Variants in MAST4 observed in about 807,000 individuals in gnomAD.
MAST4 encodes microtubule associated serine/threonine kinase family member 4.
MAST4 carries 89 observed loss-of-function variants against 162.7 expected under a neutral mutation model. The observed-to-expected ratio is 0.55, with a 90% CI of 0.46 to 0.65. The LOEUF (loss-of-function observed/expected upper bound fraction) is 0.65, where lower values mean the gene tolerates loss of function less well. Among genes scored for constraint, MAST4 ranks in the 30% least tolerant of loss-of-function variants. The pLI is 0.00. For synonymous variants in MAST4, 1,479 were observed against 1,361.1 expected, an observed-to-expected ratio of 1.09 and a Z score of -1.91; for missense variants, 3,153 against 3,374.0, an observed-to-expected ratio of 0.93 and a Z score of 1.62.
chr5:66,893,382 T>TTGTG (rs397829231), intron 3 of MAST4, among the ~76,000 whole-genome samples: 134 of 150,150 alleles, frequency 8.9e-4, no homozygotes, highest in Middle Eastern at 3.4e-3. Flanking sequence ...ATTTTTTTTT[T>TTGTG]TGTGTGTGTG....
At chr5:66,633,332 G>A (rs1744905369) in intron 1 of MAST4, among the ~76,000 whole-genome samples, 1 of 152,174 alleles carries the variant, frequency 6.6e-6, no homozygotes, top group Non-Finnish European at 1.5e-5. Context: ...TGTATGAGCT[G>A]TAAAACATTT....
rs569398840 is a variant in MAST4 at position 66,954,222 on chromosome 5, A to G, written c.674+54240A>G. Among the ~76,000 whole-genome samples the G allele has an allele frequency of 1.4e-3, 207 of 152,312 alleles. 2 individuals carry two copies. Among genetic ancestry groups the G allele is most frequent in the African/African-American group, 4.8e-3 (198 of 41,576 alleles). On this transcript the variant is annotated intron_variant, in intron 4 of 28. Transcript: ENST00000403625. ...AGGTTCCTCTTCTGCACACACATGT[A>G]TACAGCTAGTCCATGATGTATGCCT...
chr5:67,166,968 C>G lies in MAST4; in HGVS notation c.7789C>G (p.Leu2597Val), dbSNP rs1010993629. 4.3e-6 allele frequency: 7 copies of G among 1,612,668 alleles called. No homozygotes were observed. Among genetic ancestry groups the G allele is most frequent in the Non-Finnish European group, 5.9e-6 (7 of 1,179,686 alleles). Reference protein sequence around the residue: ...PAPNTDRPISLSNEKDFVVRQ... With the variant: ...PAPNTDRPISVSNEKDFVVRQ... ...CCCAAACACTGACCGCCCCATCTCT[C>G]TTTCTAATGAGAAGGACTTTGTGGT... Residue 2597 changes from leucine (L) to valine (V), a missense_variant, in exon 29 of 29, where the codon CTT (leucine) becomes GTT (valine). Leu to Val is a conservative substitution (Grantham distance 32). Transcript: ENST00000403625.
intron 4 of MAST4, among the ~76,000 whole-genome samples, chr5:66,990,588 A>G (rs1048743652): frequency 1.3e-5 from 2 of 152,190 alleles, no homozygotes; most frequent in Non-Finnish European, 2.9e-5. Context: ...GTAGTGAGCT[A>G]CGATCATGCC....
Position 67,130,200 on chromosome 5 carries a change from T to C in MAST4, c.1746-10T>C. 1 of 1,607,318 alleles carries C rather than the reference T, an allele frequency of 6.2e-7. No homozygotes were observed. The highest frequency in any genetic ancestry group is 1.1e-5 in the South Asian group (1 of 90,282). On this transcript the variant is annotated splice_polypyrimidine_tract_variant and intron_variant, in intron 14 of 28. Coordinates refer to ENST00000403625, the MANE Select transcript of MAST4 (RefSeq NM_001164664.2). ...CTCCTGTCAACCCCAATACTTCTGC[T>C]CCTTTTCAGGGCAGTCTACTTTGTT... is the stretch of plus-strand genomic sequence containing the variant.
chr5:66,924,209 A>T (rs1764725890), intron 4 of MAST4, among the ~76,000 whole-genome samples: 1 of 152,120 alleles, frequency 6.6e-6, no homozygotes, highest in Non-Finnish European at 1.5e-5. Context: ...GAGTTTGTAC[A>T]TTTTGACCTT....
chr5:67,055,265 A>G (rs1341006572), intron 5 of MAST4, among the ~76,000 whole-genome samples: 1 of 152,168 alleles, frequency 6.6e-6, no homozygotes, highest in Non-Finnish European at 1.5e-5. Flanking sequence ...AGTGGGAGGA[A>G]GTTTGACTTT....
At chr5:67,014,117 G>A (rs1312822723) in intron 4 of MAST4, among the ~76,000 whole-genome samples, 1 of 151,800 alleles carries the variant, frequency 6.6e-6, no homozygotes, top group African/African-American at 2.4e-5. Context: ...TCCATGTAAG[G>A]ACTGATTTTA....
At chr5:66,739,643 A>G (rs893037326) in intron 1 of MAST4, among the ~76,000 whole-genome samples, 4 of 152,292 alleles carry the variant, frequency 2.6e-5, no homozygotes, top group South Asian at 2.1e-4. Flanking sequence ...TGTGACACGT[A>G]TACCGGATGT....
Position 67,134,678 on chromosome 5 carries a change from A to AGTCATC in MAST4, c.2383_2388dup (p.Val795_Ile796dup). The stretch of plus-strand genomic sequence containing the variant: ...ATACTCCAGAGGAGCTATTTGGACA[A>AGTCATC]GTCATCAGTGGTAAATATCATCAGG... On this transcript the variant is annotated inframe_insertion, in exon 18 of 29. Transcript: ENST00000403625. 1 of 1,612,542 alleles carries AGTCATC rather than the reference A, an allele frequency of 6.2e-7. No homozygotes were observed. Among genetic ancestry groups the AGTCATC allele is most frequent in the South Asian group, 1.1e-5 (1 of 90,886 alleles).
intron 4 of MAST4, among the ~76,000 whole-genome samples, chr5:67,008,963 A>G (rs532307797): frequency 2.0e-5 from 3 of 152,324 alleles, no homozygotes; most frequent in East Asian, 3.9e-4. Flanking sequence ...TATGAGAACT[A>G]TAGAGAATCC....
In MAST4 at chr5:66,681,822, A is replaced by T. The variant is rs144780782; in HGVS notation, c.364-77887A>T. The stretch of plus-strand genomic sequence containing the variant: ...CCAAGCTGCCTCTTCATTAAACAAC[A>T]AACATTTTTAATTGTCATTGTTTTT... On this transcript the variant is annotated intron_variant, in intron 1 of 28. Coordinates refer to ENST00000403625, the MANE Select transcript of MAST4 (RefSeq NM_001164664.2). Among the ~76,000 whole-genome samples, 1,033 of 152,294 alleles carry T rather than the reference A, an allele frequency of 6.8e-3. 2 individuals carry two copies. The highest frequency in any genetic ancestry group is 0.03 in the South Asian group (143 of 4,826).
intron 4 of MAST4, among the ~76,000 whole-genome samples, chr5:66,916,082 T>C (rs1262175692): frequency 1.3e-5 from 2 of 152,226 alleles, no homozygotes; most frequent in Non-Finnish European, 2.9e-5. Flanking sequence ...TCATTAGTAA[T>C]TCTTATGTTA....
chr5:66,667,025 G>A (rs1428660826), intron 1 of MAST4, among the ~76,000 whole-genome samples: 1 of 152,184 alleles, frequency 6.6e-6, no homozygotes, highest in African/African-American at 2.4e-5. Context: ...GGCGTAGCCA[G>A]ATGCAAAGGG....
chr5:66,818,072 A>G (rs1402286467), intron 3 of MAST4, among the ~76,000 whole-genome samples: 1 of 152,202 alleles, frequency 6.6e-6, no homozygotes, highest in Non-Finnish European at 1.5e-5. Context: ...TAAAGACAAC[A>G]TTTAATAGTA....
chr5:67,051,107 A>G (rs1409752361), intron 4 of MAST4, among the ~76,000 whole-genome samples: 1 of 151,986 alleles, frequency 6.6e-6, no homozygotes, highest in African/African-American at 2.4e-5. Flanking sequence ...TAAAAAAGAT[A>G]TTTCTGCTAC....
chr5:67,100,609 GA>G lies in MAST4; in HGVS notation c.1070+21del. 2 of 1,613,642 alleles carry G rather than the reference GA, an allele frequency of 1.2e-6. No individual in the cohort carries two copies. On this transcript the variant is annotated intron_variant, in intron 8 of 28. Coordinates refer to ENST00000403625, the MANE Select transcript of MAST4 (RefSeq NM_001164664.2). ...AAGTCTGAGGTGTGTGGGCCTGGCT[GA>G]AAACCATTACTTAGTTGGATTCTCT...
Position 66,596,615 on chromosome 5 carries a change from C to T in MAST4, c.-41C>T, listed in dbSNP as rs761074650. 8 of 1,392,704 alleles carry T rather than the reference C, an allele frequency of 5.7e-6. No homozygotes were observed. The Admixed American group carries it at 2.1e-4, about 37-fold the overall frequency. The allele number at this position is 1,392,704 out of a possible 1,614,324, so 86.3% of individuals were successfully genotyped here. On this transcript the variant is annotated 5_prime_UTR_variant, in exon 1 of 29. Transcript: ENST00000403625. Reference sequence around the variant, plus strand: ...CCCGGGAGGCGCTGAGTGCGCGCCGCGCCCCCGCCGCTCGGGAGGCACTTT... The same window carrying T: ...CCCGGGAGGCGCTGAGTGCGCGCCGTGCCCCCGCCGCTCGGGAGGCACTTT...
At chr5:66,852,700 T>C (rs184927428) in intron 3 of MAST4, among the ~76,000 whole-genome samples, 2 of 152,322 alleles carry the variant, frequency 1.3e-5, no homozygotes, top group Admixed American at 1.3e-4. Context: ...AGATAAATCT[T>C]TTGTATAGAA....
Sources: gnomAD v4.1 joint callset for allele counts (sites outside exome capture counted in the v4.1 genomes callset) on GRCh38, gnomAD v4.1.1 for gene constraint, MANE v1.5 for transcripts, NCBI Gene and HGNC (gene_info 2026-07-23, HGNC 2026-07-21) for gene names.